The following SLC2A14 variants were observed in gnomAD, a reference collection of about 807,000 sequenced individuals.
SLC2A14 encodes the protein solute carrier family 2 member 14.
Under a neutral mutation model 43.0 loss-of-function variants are expected in SLC2A14, and 13 were observed. The observed-to-expected ratio is 0.30, with a 90% confidence interval of 0.20 to 0.48. The LOEUF (loss-of-function observed/expected upper bound fraction) is 0.48, where lower values mean the gene tolerates loss of function less well. SLC2A14 is among the 20% of genes least tolerant of loss of function. The pLI, the probability that SLC2A14 is intolerant of heterozygous loss-of-function variation, is 0.99. For missense variants in SLC2A14, 428 were observed against 620.4 expected, an observed-to-expected ratio of 0.69 and a Z score of 3.29; for synonymous variants, 190 against 233.8, an observed-to-expected ratio of 0.81 and a Z score of 1.71.
intron 4 of SLC2A14, among the ~76,000 whole-genome samples, 169 bp from the exon 5 acceptor site, chr12:7,830,175 CAG>C (rs1864897772): frequency 7.0e-6 from 1 of 143,198 alleles, no homozygotes; most frequent in Admixed American, 7.2e-5. Flanking sequence ...TTTTTTGAGA[CAG>C]AGTCTCGCTC....
chr12:7,826,961 C>T (rs1005330031), intron 7 of SLC2A14, among the ~76,000 whole-genome samples: 3 of 112,906 alleles, frequency 2.7e-5, no homozygotes, highest in Admixed American at 1.1e-4. Context: ...TTTCTTCTCT[C>T]TCTTTCTCTC....
At chr12:7,883,893 T>A (rs1592335122) in intron 1 of SLC2A14, among the ~76,000 whole-genome samples, 1 of 149,730 alleles carries the variant, frequency 6.7e-6, no homozygotes, top group Admixed American at 6.7e-5. Flanking sequence ...CACAAATGCT[T>A]TCTTAAATCT....
At chr12:7,822,573 G>T (rs922660682) in intron 7 of SLC2A14, among the ~76,000 whole-genome samples, 2 of 151,694 alleles carry the variant, frequency 1.3e-5, no homozygotes, top group Admixed American at 6.6e-5. Context: ...GGAGGCTGAG[G>T]CAGGAGAATG....
intron 2 of SLC2A14, chr12:7,863,391 C>G (rs1434583980): frequency 2.2e-6 from 1 of 453,492 alleles, no homozygotes; most frequent in South Asian, 1.6e-5. Context: ...CGGCTTCATT[C>G]TTGAAGTCAG....
chr12:7,879,206 T>G (rs1371450557), intron 1 of SLC2A14, among the ~76,000 whole-genome samples: 1 of 151,032 alleles, frequency 6.6e-6, no homozygotes, highest in Admixed American at 6.7e-5. Context: ...TTTCTTGGAG[T>G]GAATAAATGC....
chr12:7,829,136 C>A (rs1196416451), intron 5 of SLC2A14, among the ~76,000 whole-genome samples: 1 of 151,984 alleles, frequency 6.6e-6, no homozygotes, highest in Non-Finnish European at 1.5e-5. Context: ...TACTTGAACC[C>A]AGGAGGCGGA....
chr12:7,818,601 G>T (rs1863673100), intron 9 of SLC2A14, among the ~76,000 whole-genome samples: 1 of 151,994 alleles, frequency 6.6e-6, no homozygotes, highest in South Asian at 2.1e-4. Context: ...GGCAGAGATT[G>T]CAGTGAGCCA....
At chr12:7,836,984 T>G (rs1419683925) in intron 2 of SLC2A14, among the ~76,000 whole-genome samples, 3 of 151,566 alleles carry the variant, frequency 2.0e-5, no homozygotes, top group Admixed American at 2.0e-4. Context: ...CGGGCCAATA[T>G]AGTGAAACCC....
intron 1 of SLC2A14, among the ~76,000 whole-genome samples, chr12:7,886,160 T>A (rs1225439166): frequency 9.9e-5 from 6 of 60,554 alleles, no homozygotes; most frequent in Non-Finnish European, 1.4e-4. Flanking sequence ...GCTTTTTTTT[T>A]TTTTTTTTTT....
intron 2 of SLC2A14, among the ~76,000 whole-genome samples, chr12:7,847,841 G>A (rs959910169): frequency 4.6e-5 from 7 of 152,110 alleles, no homozygotes; most frequent in Non-Finnish European, 2.9e-5. Flanking sequence ...AACAACAGGC[G>A]CAGACATAGG....
chr12:7,838,284 C>T lies in SLC2A14; in HGVS notation c.19-5470G>A, dbSNP rs765422567. 2.2e-4 allele frequency among the ~76,000 whole-genome samples: 33 copies of T among 151,726 alleles called. 1 individual carries two copies. In the South Asian group the frequency reaches 6.9e-3, roughly 32 times the overall value. ...TGCATTTTTAGTAGAGACAGGGTTT[C>T]ACCATATTGGCCAGGCTGGTCTTGA... On this transcript the variant is annotated intron_variant, in intron 2 of 10. Coordinates refer to ENST00000431042, the MANE Select transcript of SLC2A14 (RefSeq NM_001286234.2).
chr12:7,833,562 C>T (rs1343596902), intron 2 of SLC2A14, among the ~76,000 whole-genome samples: 2 of 152,146 alleles, frequency 1.3e-5, no homozygotes, highest in African/African-American at 4.8e-5. Flanking sequence ...AGGTGGATCA[C>T]CTGAGATCAG....
upstream of SLC2A14, among the ~76,000 whole-genome samples, chr12:7,877,829 A>ACCT (rs1206294619): frequency 4.0e-5 from 6 of 151,772 alleles, no homozygotes; most frequent in African/African-American, 1.2e-4. Flanking sequence ...TACAACCTCC[A>ACCT]CCTCCCGGGT....
At chr12:7,882,284 A>G (rs1411121497) in intron 1 of SLC2A14, among the ~76,000 whole-genome samples, 1 of 151,990 alleles carries the variant, frequency 6.6e-6, no homozygotes, top group Non-Finnish European at 1.5e-5. Context: ...CTCACCGTGA[A>G]GGTCTGCAGG....
At chr12:7,820,859 G>A (rs111478860) in intron 8 of SLC2A14, among the ~76,000 whole-genome samples, 1 of 152,206 alleles carries the variant, frequency 6.6e-6, no homozygotes, top group East Asian at 1.9e-4. Context: ...GGCCTAGGCA[G>A]GTGGATCACC....
At chr12:7,867,924 C>T (rs1200630656) in intron 2 of SLC2A14, among the ~76,000 whole-genome samples, 1 of 150,940 alleles carries the variant, frequency 6.6e-6, no homozygotes, top group Non-Finnish European at 1.5e-5. Flanking sequence ...GTTGAAATGA[C>T]AGCAAAGGAT....
chr12:7,848,410 GTTCT>G (rs1294499643), intron 2 of SLC2A14, among the ~76,000 whole-genome samples: 1 of 150,886 alleles, frequency 6.6e-6, no homozygotes, highest in African/African-American at 2.4e-5. Flanking sequence ...TCCCTTTCTT[GTTCT>G]TTGTTTTTCT....
chr12:7,855,950 T>G (rs1054806681), intron 2 of SLC2A14, among the ~76,000 whole-genome samples: 1 of 151,956 alleles, frequency 6.6e-6, no homozygotes, highest in Non-Finnish European at 1.5e-5. Flanking sequence ...AAGCTCCCTC[T>G]CAATGCACCA....
intron 2 of SLC2A14, among the ~76,000 whole-genome samples, chr12:7,843,285 C>CA: frequency 6.7e-6 from 1 of 149,678 alleles, no homozygotes; most frequent in Non-Finnish European, 1.5e-5. Context: ...GGTGGGAAAA[C>CA]AGAGAATTTC....
Sources: allele counts gnomAD v4.1 joint callset (sites outside exome capture counted in the v4.1 genomes callset), GRCh38; gene constraint gnomAD v4.1.1; transcripts MANE v1.5; gene names NCBI Gene and HGNC (gene_info 2026-07-23, HGNC 2026-07-21).